The following DAPK2 variants were observed in gnomAD, a reference collection of about 807,000 sequenced individuals.
DAPK2 encodes death-associated protein kinase 2.
Under a neutral mutation model 44.1 loss-of-function variants are expected in DAPK2, and 35 were observed. That is an observed-to-expected ratio of 0.79 (90% confidence interval 0.61 to 1.05). The LOEUF is 1.05. Ranked by LOEUF, DAPK2 falls within the 50% of genes least tolerant of loss-of-function variation. The pLI is 0.00. For synonymous variants in DAPK2, 174 were observed against 182.6 expected, an observed-to-expected ratio of 0.95 and a Z score of 0.38; for missense variants, 453 against 483.2, an observed-to-expected ratio of 0.94 and a Z score of 0.59.
chr15:64,036,273 A>G (rs426052), intron 1 of DAPK2, among the ~76,000 whole-genome samples: 10,901 of 43,452 alleles, frequency 0.25, 980 homozygotes, highest in Middle Eastern at 0.31. Flanking sequence ...ATATATATAT[A>G]TGTGTGTGTG....
At chr15:63,984,031 A>C (rs772969118) in intron 1 of DAPK2, among the ~76,000 whole-genome samples, 1 of 152,216 alleles carries the variant, frequency 6.6e-6, no homozygotes, top group Non-Finnish European at 1.5e-5. Context: ...GTTATTGATC[A>C]GGATGACATA....
rs184772241 is a variant in DAPK2, at chr15:63,980,360, T to C, written c.314+3173A>G. ...TCCCCAGCAATTAAAGGCATGCCAA[T>C]TATAGTAAGAAAGTATCAATTTATA... On this transcript the variant is annotated intron_variant, in intron 2 of 10. Transcript: ENST00000261891. The surrounding 1 kb of genome is among the most constrained non-coding windows in gnomAD (Gnocchi z 4.3). 6.6e-6 allele frequency among the ~76,000 whole-genome samples: 1 copy of C among 152,268 alleles called. No individual in the cohort carries two copies. The highest frequency in any genetic ancestry group is 1.9e-4 in the East Asian group (1 of 5,184).
chr15:63,997,906 C>G (rs1397626806), intron 1 of DAPK2, among the ~76,000 whole-genome samples: 1 of 152,160 alleles, frequency 6.6e-6, no homozygotes. Context: ...GGAATGAAAA[C>G]CGCCTCATAA....
At chr15:64,003,778 G>A (rs1202270535) in intron 1 of DAPK2, among the ~76,000 whole-genome samples, 5 of 152,070 alleles carry the variant, frequency 3.3e-5, no homozygotes, top group Non-Finnish European at 7.4e-5. Context: ...GCTATTTTTT[G>A]TATTTTTAGT....
At chr15:64,019,414 A>G (rs2079621426) in intron 1 of DAPK2, among the ~76,000 whole-genome samples, 1 of 152,202 alleles carries the variant, frequency 6.6e-6, no homozygotes, top group Non-Finnish European at 1.5e-5. Context: ...TTCTCTTTTG[A>G]TAACTACGGT....
chr15:63,925,470 C>T lies in DAPK2; in HGVS notation c.812+471G>A, dbSNP rs117925084. On this transcript the variant is annotated intron_variant, in intron 7 of 10. Transcript: ENST00000261891. Reference sequence around the variant, plus strand: ...CTTCTTTGACCCCACAGCCACGGGACTCACCCTGGCCCCTGGAGAAGGGAT... The same window carrying T: ...CTTCTTTGACCCCACAGCCACGGGATTCACCCTGGCCCCTGGAGAAGGGAT... Among the ~76,000 whole-genome samples the T allele has an allele frequency of 3.8e-4, 58 of 152,200 alleles. 1 individual carries two copies. In the East Asian group the frequency reaches 0.011, roughly 29 times the overall value.
At chr15:63,987,470 A>G (rs979268685) in intron 1 of DAPK2, among the ~76,000 whole-genome samples, 1 of 152,192 alleles carries the variant, frequency 6.6e-6, no homozygotes, top group African/African-American at 2.4e-5. Context: ...TGATGGGAAT[A>G]CTGGAATCTG....
intron 1 of DAPK2, among the ~76,000 whole-genome samples, chr15:64,038,643 G>A (rs949966449): frequency 3.3e-5 from 5 of 151,998 alleles, no homozygotes; most frequent in African/African-American, 9.7e-5. Flanking sequence ...TCTTTGGAGT[G>A]AAGCTCTTCT....
rs1233721307 is a variant in DAPK2 at position 63,917,609 on chromosome 15, TA to T, written c.859-5413del. 2 of 152,128 alleles carry T rather than the reference TA, an allele frequency of 1.3e-5. No individual in the cohort carries two copies. Among genetic ancestry groups the T allele is most frequent in the Non-Finnish European group, 2.9e-5 (2 of 68,032 alleles). 9.4% of individuals were successfully genotyped at this position (152,128 alleles called of 1,614,324 possible). The stretch of plus-strand genomic sequence containing the variant: ...GGCAATTTTCCTGCTGAGGGGACCA[TA>T]ACAAAAAGTTTAAAACACTCTTTTA... On this transcript the variant is annotated intron_variant, in intron 8 of 10. Transcript: ENST00000261891. This position sits in a 1 kb window ranked among gnomAD's most constrained non-coding sequence, Gnocchi z 4.4.
chr15:63,951,162 A>G (rs369136661), intron 3 of DAPK2, among the ~76,000 whole-genome samples: 2 of 152,232 alleles, frequency 1.3e-5, no homozygotes, highest in South Asian at 2.1e-4. Context: ...TTCACCTTCC[A>G]TTTCTGAGTT....
rs1197949464 is a variant in DAPK2, at chr15:64,002,970, G to T, written c.93-19216C>A. 0.011 allele frequency among the ~76,000 whole-genome samples: 828 copies of T among 76,074 alleles called. 13 individuals carry two copies. The East Asian group carries it at 0.13, about 12-fold the overall frequency. The allele number at this position is 76,074 out of a possible 152,430, so 49.9% of individuals were successfully genotyped here. A position where few individuals can be genotyped will look rare whatever the true frequency, so the allele number is the denominator to read the frequency against. ...TGTGTGTGTGTGTGTGTGTGTCGTGGGACCTGTGTGTGTGTGTGTGTGTGT... is the reference window on the plus strand; with the variant it reads ...TGTGTGTGTGTGTGTGTGTGTCGTGTGACCTGTGTGTGTGTGTGTGTGTGT... On this transcript the variant is annotated intron_variant, in intron 1 of 10. Transcript: ENST00000261891.
intron 3 of DAPK2, among the ~76,000 whole-genome samples, chr15:63,956,302 T>C (rs1340271154): frequency 6.6e-6 from 1 of 152,204 alleles, no homozygotes; most frequent in Non-Finnish European, 1.5e-5. Context: ...ATCTCTGTTC[T>C]GATCTTTATT....
intron 3 of DAPK2, among the ~76,000 whole-genome samples, chr15:63,957,108 G>T (rs2077745461): frequency 6.6e-6 from 1 of 152,174 alleles, no homozygotes; most frequent in Non-Finnish European, 1.5e-5. Context: ...CTCCAATGTT[G>T]GATGCATACA....
chr15:63,916,833 C>G lies in DAPK2; in HGVS notation c.859-4636G>C, dbSNP rs1595696941. On this transcript the variant is annotated intron_variant, in intron 8 of 10. Transcript: ENST00000261891. The surrounding 1 kb of genome is among the most constrained non-coding windows in gnomAD (Gnocchi z 4.7). ...CAGTTTTCTGAGCAATTTTTTGTCC[C>G]CAGGAAAAGCTTCAAAGGTTCTTCC... is the stretch of plus-strand genomic sequence containing the variant. 1 of 152,168 alleles carries G rather than the reference C, an allele frequency of 6.6e-6. No individual in the cohort carries two copies. Among genetic ancestry groups the G allele is most frequent in the East Asian group, 1.9e-4 (1 of 5,202 alleles). The allele number at this position is 152,168 out of a possible 1,614,324, so 9.4% of individuals were successfully genotyped here.
At chr15:63,951,881 G>A (rs910340474) in intron 3 of DAPK2, among the ~76,000 whole-genome samples, 1 of 152,180 alleles carries the variant, frequency 6.6e-6, no homozygotes, top group Non-Finnish European at 1.5e-5. Context: ...CGACACTGAG[G>A]AACTCAGCAT....
intron 3 of DAPK2, among the ~76,000 whole-genome samples, chr15:63,969,283 G>T (rs1394801205): frequency 6.6e-6 from 1 of 151,968 alleles, no homozygotes. Context: ...AGCTGGCCAT[G>T]GTGGCATGTT....
At chr15:64,019,655 G>T (rs914839874) in intron 1 of DAPK2, among the ~76,000 whole-genome samples, 20 of 152,154 alleles carry the variant, frequency 1.3e-4, no homozygotes, top group Non-Finnish European at 2.6e-4. Flanking sequence ...TGAATGCTTC[G>T]GTGTATTTCT....
At chr15:63,987,228 C>T (rs967924794) in intron 1 of DAPK2, among the ~76,000 whole-genome samples, 5 of 152,114 alleles carry the variant, frequency 3.3e-5, no homozygotes, top group Non-Finnish European at 7.3e-5. Context: ...GAGGGCCCAG[C>T]CAACCCAAGG....
At chr15:64,015,268 T>G (rs2079494132) in intron 1 of DAPK2, among the ~76,000 whole-genome samples, 1 of 152,020 alleles carries the variant, frequency 6.6e-6, no homozygotes, top group African/African-American at 2.4e-5. Flanking sequence ...ATGTTCGAGG[T>G]GGGAATTACC....
Sources: gnomAD v4.1 joint callset for allele counts (sites outside exome capture counted in the v4.1 genomes callset) on GRCh38, gnomAD v4.1.1 for gene constraint, Gnocchi (gnomAD v3.1) non-coding constraint, MANE v1.5 for transcripts, NCBI Gene and HGNC (gene_info 2026-07-23, HGNC 2026-07-21) for gene names.